Variants in PAX5 observed in about 807,000 individuals in gnomAD.
PAX5 encodes the protein paired box 5, also known as paired box protein Pax-5.
In PAX5, 9 loss-of-function variants were observed where a neutral mutation model predicts 43.7. That is an observed-to-expected ratio of 0.21 (90% CI 0.12 to 0.36). PAX5 has a LOEUF of 0.36. Among genes scored for constraint, PAX5 ranks in the 10% least tolerant of loss-of-function variants. PAX5 has a pLI of 1.00. For synonymous variants in PAX5, 228 were observed against 214.3 expected (o/e 1.06, Z -0.56); for missense variants, 383 against 532.7 (o/e 0.72, Z 2.77).
Position 36,898,537 on chromosome 9 carries a change from C to T in PAX5, c.911-16432G>A, listed in dbSNP as rs74719756. Among the ~76,000 whole-genome samples the T allele has an allele frequency of 3.5e-3, 530 of 152,308 alleles. 7 individuals carry two copies. Among genetic ancestry groups the T allele is most frequent in the African/African-American group, 0.012 (517 of 41,568 alleles). ...CCATCCCCACCAAATTGAAGCTCAC[C>T]GGGCAGGAGGACTAGGAGAATTAAA... On this transcript the variant is annotated intron_variant, in intron 7 of 9. Coordinates refer to ENST00000358127, the MANE Select transcript of PAX5 (RefSeq NM_016734.3).
chr9:36,953,966 G>A (rs190796937), intron 6 of PAX5, among the ~76,000 whole-genome samples: 3 of 152,106 alleles, frequency 2.0e-5, no homozygotes, highest in Admixed American at 1.3e-4. Flanking sequence ...CAGCTACTTG[G>A]GGGGCTGAGA....
chr9:36,992,300 G>A (rs1453805219), intron 5 of PAX5, among the ~76,000 whole-genome samples: 1 of 152,154 alleles, frequency 6.6e-6, no homozygotes, highest in Non-Finnish European at 1.5e-5. Flanking sequence ...ATTTTATTTT[G>A]TTTCATTCCC....
intron 7 of PAX5, among the ~76,000 whole-genome samples, chr9:36,890,662 AAAG>A (rs1385830165): frequency 1.3e-5 from 2 of 152,098 alleles, no homozygotes; most frequent in Non-Finnish European, 2.9e-5. Context: ...TGTTGATGGA[AAAG>A]AAGGTGGGTA....
chr9:36,981,751 G>A (rs1342802301), intron 5 of PAX5, among the ~76,000 whole-genome samples: 1 of 152,380 alleles, frequency 6.6e-6, no homozygotes, highest in Admixed American at 6.5e-5. Flanking sequence ...AGCACAGAGA[G>A]CAAGCTCTGG....
rs114870743 is a variant in PAX5, at chr9:36,847,036, G to A, written c.1013-107C>T. On this transcript the variant is annotated intron_variant, in intron 8 of 9. Transcript: ENST00000358127. ...GTTGCCAATGGCATTTGCCTCTTCC[G>A]TGAGTTGCAGGCGCTTTTGTAACCA... is the stretch of plus-strand genomic sequence containing the variant. 579 of 707,614 alleles carry A rather than the reference G, an allele frequency of 8.2e-4. No individual in the cohort carries two copies. The African/African-American group carries it at 8.8e-3, about 11-fold the overall frequency. The allele number at this position is 707,614 out of a possible 1,614,324, so 43.8% of individuals were successfully genotyped here.
At chr9:36,848,350 CCACACACA>C (rs55793420) in intron 8 of PAX5, among the ~76,000 whole-genome samples, 2 of 136,366 alleles carry the variant, frequency 1.5e-5, no homozygotes, top group African/African-American at 5.7e-5. Flanking sequence ...CAGAGCGTGT[CCACACACA>C]CACACACACA....
At position 36,942,550 on chromosome 9, in the gene PAX5, G is replaced by C. The variant is rs149301866; in HGVS notation, c.781-19066C>G. Among the ~76,000 whole-genome samples the C allele has an allele frequency of 1.5e-3, 236 of 152,328 alleles. 5 individuals carry two copies. In the South Asian group the frequency reaches 0.027, roughly 17 times the overall value. ...GCTAGGTGGGCTTGAGGAGGACCCA[G>C]GGGTGGGACGTGTGCAAGTCCCTGC... On this transcript the variant is annotated intron_variant, in intron 6 of 9. Transcript: ENST00000358127.
At chr9:36,900,404 C>A (rs1285206427) in intron 7 of PAX5, among the ~76,000 whole-genome samples, 1 of 152,220 alleles carries the variant, frequency 6.6e-6, no homozygotes, top group Non-Finnish European at 1.5e-5. Context: ...ACAGAGTAGT[C>A]CTGCAGCATG....
chr9:36,960,233 G>C (rs1321886153), intron 6 of PAX5, among the ~76,000 whole-genome samples: 3 of 152,172 alleles, frequency 2.0e-5, no homozygotes, highest in Non-Finnish European at 4.4e-5. Flanking sequence ...TAGAGAGTGA[G>C]CCACAAAATT....
rs144322251 is a variant in PAX5 at position 36,853,676 on chromosome 9, C to T, written c.1013-6747G>A. 4.7e-4 allele frequency among the ~76,000 whole-genome samples: 72 copies of T among 152,230 alleles called. 1 individual carries two copies. Among genetic ancestry groups the T allele is most frequent in the African/African-American group, 1.7e-3 (71 of 41,532 alleles). The stretch of plus-strand genomic sequence containing the variant: ...CAGTACTGTCTTCCAATATAGAAGA[C>T]GTGACTGTAAAAACCAATGCACTAA... On this transcript the variant is annotated intron_variant, in intron 8 of 9. Transcript: ENST00000358127.
At chr9:37,013,536 C>T (rs1294684285) in intron 3 of PAX5, among the ~76,000 whole-genome samples, 4 of 152,148 alleles carry the variant, frequency 2.6e-5, no homozygotes, top group African/African-American at 4.8e-5. Context: ...CGTGGAAATC[C>T]CGCAAAGAGC....
intron 1 of PAX5, among the ~76,000 whole-genome samples, chr9:37,026,237 A>C (rs1840346665): frequency 1.3e-5 from 2 of 152,206 alleles, no homozygotes; most frequent in East Asian, 1.9e-4. Flanking sequence ...GGAGCCCTCT[A>C]CGGGTCCAAG....
intron 6 of PAX5, among the ~76,000 whole-genome samples, chr9:36,934,890 A>G (rs150798140): frequency 6.6e-6 from 1 of 152,360 alleles, no homozygotes; most frequent in East Asian, 1.9e-4. Context: ...TGTGACATAA[A>G]TGCCTGTGGA....
At chr9:36,923,158 T>C in intron 7 of PAX5, 197 bp downstream of exon 7, 1 of 580,084 alleles carries the variant, frequency 1.7e-6, no homozygotes. Context: ...CCCAGCTTTG[T>C]TGGAATCATA....
At chr9:36,961,174 G>T (rs1379168017) in intron 6 of PAX5, among the ~76,000 whole-genome samples, 1 of 152,212 alleles carries the variant, frequency 6.6e-6, no homozygotes. Context: ...GCACAAACCA[G>T]CCCCTTCCCA....
intron 5 of PAX5, among the ~76,000 whole-genome samples, chr9:36,992,136 T>G (rs1200201016): frequency 3.1e-5 from 1 of 32,524 alleles, no homozygotes; most frequent in Non-Finnish European, 6.9e-5. Context: ...CCCCCAACCC[T>G]CCCACACACA....
intron 5 of PAX5, among the ~76,000 whole-genome samples, chr9:36,987,556 C>T (rs1836535956): frequency 6.6e-6 from 1 of 152,212 alleles, no homozygotes; most frequent in South Asian, 2.1e-4. Context: ...CCCAAGATCA[C>T]CAGCAAGGGA....
chr9:36,848,350 CCACACACACA>C, intron 8 of PAX5, among the ~76,000 whole-genome samples: 1 of 136,462 alleles, frequency 7.3e-6, no homozygotes, highest in East Asian at 2.2e-4. Context: ...CAGAGCGTGT[CCACACACACA>C]CACACACACA....
intron 5 of PAX5, among the ~76,000 whole-genome samples, chr9:36,985,886 C>T (rs1336377233): frequency 2.0e-5 from 3 of 152,250 alleles, no homozygotes; most frequent in African/African-American, 4.8e-5. Flanking sequence ...CCAGCAAGAT[C>T]AGAACCCCCA....
Sources: gnomAD v4.1 joint callset for allele counts (sites outside exome capture counted in the v4.1 genomes callset) on GRCh38, gnomAD v4.1.1 for gene constraint, MANE v1.5 for transcripts, NCBI Gene and HGNC (gene_info 2026-07-23, HGNC 2026-07-21) for gene names.